The following DACH2 variants were observed in gnomAD, a reference collection of about 807,000 sequenced individuals.
DACH2 encodes dachshund homolog 2.
DACH2 carries 17 observed loss-of-function variants against 35.8 expected under a neutral mutation model. That is an observed-to-expected ratio of 0.48 (90% confidence interval 0.33 to 0.71). The LOEUF is 0.71. Among genes scored for constraint, DACH2 ranks in the 30% least tolerant of loss-of-function variants. The pLI is 0.02. For missense variants in DACH2, 469 were observed against 472.7 expected (o/e 0.99, Z 0.07); for synonymous variants, 195 against 177.3 (o/e 1.10, Z -0.79).
At chrX:86,766,027 C>A (rs2041931614) in intron 7 of DACH2, among the ~76,000 whole-genome samples, 1 of 109,873 alleles carries the variant, frequency 9.1e-6, no homozygotes, top group South Asian at 3.9e-4. Flanking sequence ...TGACTTGGAC[C>A]AATCCTAATT....
intron 2 of DACH2, among the ~76,000 whole-genome samples, chrX:86,415,637 C>T (rs2036691436): frequency 9.0e-6 from 1 of 111,158 alleles, no homozygotes. Context: ...ATTCAATTTG[C>T]TGAATGATAT....
At chrX:86,220,372 C>T (rs959658662) in intron 1 of DACH2, among the ~76,000 whole-genome samples, 4 of 110,828 alleles carry the variant, frequency 3.6e-5, no homozygotes, top group Non-Finnish European at 5.7e-5. Context: ...TGGAACAATT[C>T]CCCATTTCCC....
chrX:86,421,517 T>G (rs1356457483), intron 2 of DACH2, among the ~76,000 whole-genome samples: 1 of 111,387 alleles, frequency 9.0e-6, no homozygotes. Flanking sequence ...CAAACACGGT[T>G]TTTGGAAGAG....
chrX:86,767,815 C>T (rs184427657), intron 7 of DACH2, among the ~76,000 whole-genome samples: 1 of 112,097 alleles, frequency 8.9e-6, no homozygotes, highest in Non-Finnish European at 1.9e-5. Flanking sequence ...ATAAGCACAA[C>T]ACCAGAATTT....
intron 1 of DACH2, among the ~76,000 whole-genome samples, chrX:86,258,682 A>G: frequency 9.0e-6 from 1 of 111,709 alleles, no homozygotes; most frequent in Non-Finnish European, 1.9e-5. Context: ...AAGGATAGGA[A>G]TACTTAGTTT....
At chrX:86,506,472 C>A (rs919969533) in intron 2 of DACH2, among the ~76,000 whole-genome samples, 4 of 111,988 alleles carry the variant, frequency 3.6e-5, no homozygotes, top group African/African-American at 9.7e-5. Flanking sequence ...TAGCTCATTG[C>A]AACCTCAAAC....
chrX:86,292,819 A>G (rs1602367282), intron 1 of DACH2, among the ~76,000 whole-genome samples: 1 of 110,274 alleles, frequency 9.1e-6, no homozygotes, highest in African/African-American at 3.3e-5. Flanking sequence ...ATTCTTTTAC[A>G]TTTGCTGAGG....
intron 7 of DACH2, among the ~76,000 whole-genome samples, chrX:86,805,494 A>C (rs1389715035): frequency 9.0e-6 from 1 of 111,552 alleles, no homozygotes; most frequent in Non-Finnish European, 1.9e-5. Context: ...GGCTATTAAC[A>C]TTTAGCTCCT....
At chrX:86,303,104 G>A (rs1358613322) in intron 1 of DACH2, among the ~76,000 whole-genome samples, 1 of 102,848 alleles carries the variant, frequency 9.7e-6, no homozygotes, top group Admixed American at 1.1e-4. Flanking sequence ...CAGACATTGT[G>A]GCCCCATAGT....
rs553141317 is a variant in DACH2 at position 86,285,528 on chromosome X, G to A, written c.489-91296G>A. On this transcript the variant is annotated intron_variant, in intron 1 of 11. Coordinates refer to ENST00000373125, the MANE Select transcript of DACH2 (RefSeq NM_053281.3). ...GTTTCATTGTGTTCAGAGAAGATGCGTGGTATTATTTCAATTTTTGTGAAT... is the reference window on the plus strand; with the variant it reads ...GTTTCATTGTGTTCAGAGAAGATGCATGGTATTATTTCAATTTTTGTGAAT... Among the ~76,000 whole-genome samples the A allele has an allele frequency of 1.1e-4, 12 of 111,693 alleles. No homozygotes were observed. In the East Asian group the frequency reaches 1.4e-3, roughly 13 times the overall value.
chrX:86,798,232 C>T (rs1384691002), intron 7 of DACH2, among the ~76,000 whole-genome samples: 2 of 111,935 alleles, frequency 1.8e-5, no homozygotes, highest in Non-Finnish European at 3.8e-5. Context: ...AGCAATGGTA[C>T]AGATGAGAGT....
chrX:86,687,962 A>C (rs1289815674), intron 4 of DACH2, among the ~76,000 whole-genome samples: 1 of 110,959 alleles, frequency 9.0e-6, no homozygotes, highest in Non-Finnish European at 1.9e-5. Context: ...TGATAGGTGC[A>C]GCAAACCACC....
intron 3 of DACH2, among the ~76,000 whole-genome samples, chrX:86,626,191 C>T (rs1267330289): frequency 8.9e-6 from 1 of 112,469 alleles, no homozygotes; most frequent in Non-Finnish European, 1.9e-5. Context: ...TTGGCCAAAT[C>T]AAAGAGGCTA....
chrX:86,778,981 T>G (rs2042064083), intron 7 of DACH2, among the ~76,000 whole-genome samples: 1 of 111,750 alleles, frequency 8.9e-6, no homozygotes, highest in African/African-American at 3.3e-5. Flanking sequence ...GTATTCTAGA[T>G]GCTAAATATA....
At chrX:86,317,628 A>G (rs2034938046) in intron 1 of DACH2, among the ~76,000 whole-genome samples, 1 of 112,322 alleles carries the variant, frequency 8.9e-6, no homozygotes, top group South Asian at 3.7e-4. Flanking sequence ...CTTTAGTCTT[A>G]TACTTGTCCT....
intron 2 of DACH2, among the ~76,000 whole-genome samples, chrX:86,397,199 T>A (rs1181583069): frequency 9.0e-6 from 1 of 111,013 alleles, no homozygotes; most frequent in African/African-American, 3.3e-5. Context: ...TTTGTCTGTT[T>A]TTGGTGTATA....
chrX:86,471,275 C>T (rs1401440386), intron 2 of DACH2, among the ~76,000 whole-genome samples: 4 of 111,560 alleles, frequency 3.6e-5, no homozygotes, highest in Non-Finnish European at 7.5e-5. Context: ...TTCTCCTTTA[C>T]TTAAGCTTAC....
chrX:86,720,587 C>A (rs1195350122), intron 6 of DACH2, among the ~76,000 whole-genome samples: 2 of 112,464 alleles, frequency 1.8e-5, no homozygotes, highest in African/African-American at 6.5e-5. Flanking sequence ...AGCTCTGCCC[C>A]TGTGTCTTCA....
chrX:86,373,147 G>A (rs1188897146), intron 1 of DACH2, among the ~76,000 whole-genome samples: 1 of 110,627 alleles, frequency 9.0e-6, no homozygotes, highest in Non-Finnish European at 1.9e-5. Flanking sequence ...AAGTTCATGT[G>A]TGTTTTTGGT....
Sources: allele counts gnomAD v4.1 joint callset (sites outside exome capture counted in the v4.1 genomes callset), GRCh38; gene constraint gnomAD v4.1.1; transcripts MANE v1.5; gene names NCBI Gene and HGNC (gene_info 2026-07-23, HGNC 2026-07-21).